DCAF8: variants seen among roughly 807,000 people sequenced by gnomAD.
DCAF8 encodes DDB1- and CUL4-associated factor 8.
A neutral mutation model predicts 68.0 loss-of-function variants in DCAF8; 20 were observed. That is an observed-to-expected ratio of 0.29 (90% confidence interval 0.21 to 0.43). The LOEUF is 0.43. Ranked by LOEUF, DCAF8 falls within the 20% of genes least tolerant of loss-of-function variation. The pLI, the probability that DCAF8 is intolerant of heterozygous loss-of-function variation, is 1.00. For synonymous variants in DCAF8, 230 were observed against 276.9 expected, an observed-to-expected ratio of 0.83 and a Z score of 1.68; for missense variants, 460 against 771.0, an observed-to-expected ratio of 0.60 and a Z score of 4.78.
rs765505834 is a variant in DCAF8, at chr1:160,240,227, G to C, written c.193C>G (p.Arg65Gly). The C allele has an allele frequency of 3.7e-6, 6 of 1,613,914 alleles. No homozygotes were observed. In the East Asian group the frequency reaches 1.1e-4, roughly 30 times the overall value. Reference sequence around the variant, plus strand: ...CCTGAGCTCTCTGTGTCTGTGCCTCGACTTTCTGTGCTGGTGCGGTTGGGG... The same window carrying C: ...CCTGAGCTCTCTGTGTCTGTGCCTCCACTTTCTGTGCTGGTGCGGTTGGGG... ...GGPNRTSTESRGTDTESSGED... is the reference protein window; with the variant it reads ...GGPNRTSTESGGTDTESSGED... The change falls in exon 4 of 14, where the codon CGA (arginine) becomes GGA (glycine). Residue 65 changes from arginine (R) to glycine (G), a missense_variant. Transcript: ENST00000368074.
At position 160,237,121 on chromosome 1, in the gene DCAF8, A is replaced by G. The variant is rs751779094; in HGVS notation, c.959+14T>C. The G allele has an allele frequency of 1.3e-6, 2 of 1,530,316 alleles. No individual in the cohort carries two copies. Among genetic ancestry groups the G allele is most frequent in the South Asian group, 2.4e-5 (2 of 83,104 alleles). 94.8% of individuals were successfully genotyped at this position (1,530,316 alleles called of 1,614,324 possible). On this transcript the variant is annotated intron_variant, in intron 6 of 13. Transcript: ENST00000368074. ...AGAGATACAGTTCTGTAATGATATT[A>G]CTGCTACACTTACGACGCTGGGCGG...
chr1:160,252,932 C>T (rs978040122), intron 2 of DCAF8, among the ~76,000 whole-genome samples: 17 of 152,066 alleles, frequency 1.1e-4, no homozygotes, highest in African/African-American at 3.9e-4. Context: ...AAGGTACTGA[C>T]GAACAAATTT....
chr1:160,240,566 T>C (rs1441052511), intron 3 of DCAF8, among the ~76,000 whole-genome samples, 196 bp from the exon 4 acceptor site: 2 of 152,084 alleles, frequency 1.3e-5, no homozygotes, highest in Non-Finnish European at 2.9e-5. Flanking sequence ...AAGATTAAGA[T>C]CAAATCCACA....
intron 7 of DCAF8, among the ~76,000 whole-genome samples, chr1:160,229,713 GCTT>G (rs1341840769): frequency 2.0e-5 from 3 of 152,052 alleles, no homozygotes; most frequent in South Asian, 2.1e-4. Flanking sequence ...TTGATCAACA[GCTT>G]CTTATTTAAA....
chr1:160,237,016 C>G (rs1161725941), intron 6 of DCAF8, 119 bp downstream of exon 6: 3 of 651,768 alleles, frequency 4.6e-6, no homozygotes, highest in Non-Finnish European at 7.6e-6. Context: ...TAAACTACCT[C>G]TTAACCATAG....
intron 5 of DCAF8, 128 bp downstream of exon 5, chr1:160,238,477 CTT>C: frequency 2.8e-6 from 3 of 1,058,888 alleles, no homozygotes; most frequent in Non-Finnish European, 3.9e-6. Flanking sequence ...AACCACAAAT[CTT>C]AGGACTGAAA....
chr1:160,238,874 C>G, intron 4 of DCAF8, 127 bp from the exon 5 acceptor site: 1 of 1,105,450 alleles, frequency 9.0e-7, no homozygotes, highest in Non-Finnish European at 1.2e-6. Flanking sequence ...ACTTAGCTTT[C>G]CTACTCTTGT....
chr1:160,242,818 T>G (rs1656172069), intron 3 of DCAF8, among the ~76,000 whole-genome samples: 1 of 152,236 alleles, frequency 6.6e-6, no homozygotes, highest in South Asian at 2.1e-4. Flanking sequence ...CAGGCTGGAT[T>G]TGGCCTGCAA....
chr1:160,235,285 C>T (rs1277573314), intron 6 of DCAF8, among the ~76,000 whole-genome samples: 1 of 151,814 alleles, frequency 6.6e-6, no homozygotes, highest in Non-Finnish European at 1.5e-5. Flanking sequence ...AGGCATGTGC[C>T]ACCACACACG....
chr1:160,246,306 CCT>C (rs1435191504), intron 2 of DCAF8, among the ~76,000 whole-genome samples: 29 of 152,194 alleles, frequency 1.9e-4, no homozygotes, highest in African/African-American at 7.0e-4. Context: ...CTGCAGAGAA[CCT>C]CTCTCAAAAC....
intron 2 of DCAF8, among the ~76,000 whole-genome samples, chr1:160,247,958 T>C (rs1656407188): frequency 6.6e-6 from 1 of 152,098 alleles, no homozygotes; most frequent in East Asian, 1.9e-4. Flanking sequence ...TTTCTTAGGA[T>C]AGGACACAAA....
intron 3 of DCAF8, among the ~76,000 whole-genome samples, chr1:160,242,680 C>T (rs139547966): frequency 6.6e-6 from 1 of 152,128 alleles, no homozygotes; most frequent in Non-Finnish European, 1.5e-5. Flanking sequence ...AAACCTTAGG[C>T]TTTGCAGACC....
At chr1:160,233,408 C>CA (rs1217597290) in intron 6 of DCAF8, among the ~76,000 whole-genome samples, 5 of 151,676 alleles carry the variant, frequency 3.3e-5, no homozygotes, top group Non-Finnish European at 7.4e-5. Context: ...TAAAAACAAA[C>CA]AAAAAAAATA....
At position 160,218,240 on chromosome 1, in the gene DCAF8, A is replaced by T. The variant is rs925866025; in HGVS notation, c.1677+84T>A. The stretch of plus-strand genomic sequence containing the variant: ...GAAATCCGACCAAGATCACCTGATT[A>T]CTGCTTGAAGTCACTACTCTGGAAC... On this transcript the variant is annotated intron_variant, in intron 13 of 13. Transcript: ENST00000368074. The T allele has an allele frequency of 1.0e-5, 10 of 989,572 alleles. No homozygotes were observed. In the African/African-American group the frequency reaches 1.3e-4, roughly 13 times the overall value. 61.3% of individuals were successfully genotyped at this position (989,572 alleles called of 1,614,324 possible).
intron 2 of DCAF8, among the ~76,000 whole-genome samples, chr1:160,259,117 T>C (rs1219074539): frequency 6.6e-6 from 1 of 152,194 alleles, no homozygotes; most frequent in Non-Finnish European, 1.5e-5. Context: ...TTCATTGTGA[T>C]ATTATCAGTA....
chr1:160,238,553 T>G, intron 5 of DCAF8, 54 bp downstream of exon 5: 4 of 1,518,378 alleles, frequency 2.6e-6, no homozygotes, highest in Non-Finnish European at 3.5e-6. Flanking sequence ...GAACCTTGGC[T>G]GAGAACCACA....
Position 160,238,781 on chromosome 1 carries a change from A to G in DCAF8, c.724-34T>C, listed in dbSNP as rs772216847. 65 of 1,570,036 alleles carry G rather than the reference A, an allele frequency of 4.1e-5. 1 individual carries two copies. The highest frequency in any genetic ancestry group is 3.5e-4 in the Admixed American group (18 of 52,074). On this transcript the variant is annotated intron_variant, in intron 4 of 13. Coordinates refer to ENST00000368074, the MANE Select transcript of DCAF8 (RefSeq NM_015726.4). ...TTAAAAATGAAAAAAAGGACACACA[A>G]AAGAAATGAGAGAGGTAAACTTGAG...
At chr1:160,254,587 A>C (rs1184680755) in intron 2 of DCAF8, among the ~76,000 whole-genome samples, 1 of 151,918 alleles carries the variant, frequency 6.6e-6, no homozygotes, top group Non-Finnish European at 1.5e-5. Context: ...AGGTCAAGAG[A>C]TCAAGACCAT....
rs1479571934 is a variant in DCAF8 at position 160,240,176 on chromosome 1, C to T, written c.244G>A (p.Glu82Lys). The T allele has an allele frequency of 1.2e-6, 2 of 1,613,952 alleles. No homozygotes were observed. Among genetic ancestry groups the T allele is most frequent in the East Asian group, 2.2e-5 (1 of 44,882 alleles). ...SGEDKDSDSM[E>K]DTGHYSINDE... ...TTAATGGAGTAATGACCAGTGTCCT[C>T]CATGCTGTCAGAGTCCTTATCTTCA... Residue 82 changes from glutamate (E) to lysine (K), a missense_variant, in exon 4 of 14, where the codon GAG becomes AAG. This residue lies in a region of DCAF8 where 156 missense variants were observed against 181.4 expected (regional missense o/e 0.86). Transcript: ENST00000368074.
Sources: allele counts gnomAD v4.1 joint callset (sites outside exome capture counted in the v4.1 genomes callset), GRCh38; gene constraint gnomAD v4.1.1; regional missense constraint gnomAD v4.1.1; transcripts MANE v1.5; gene names NCBI Gene and HGNC (gene_info 2026-07-23, HGNC 2026-07-21).